HAUS8: variants seen among roughly 807,000 people sequenced by gnomAD.
HAUS8 encodes HAUS augmin-like complex subunit 8.
HAUS8 carries 38 observed loss-of-function variants against 42.9 expected under a neutral mutation model. The ratio of observed to expected loss-of-function variants is 0.89; its 90% confidence interval spans 0.68 to 1.16. HAUS8 has a LOEUF of 1.16. Ranked by LOEUF, HAUS8 falls within the 50% of genes most tolerant of loss-of-function variation. HAUS8 has a pLI of 0.00. For synonymous variants in HAUS8, 199 were observed against 205.8 expected, an observed-to-expected ratio of 0.97 and a Z score of 0.28; for missense variants, 494 against 511.6, an observed-to-expected ratio of 0.97 and a Z score of 0.33.
intron 1 of HAUS8, chr19:17,075,138 G>A (rs1389235247): frequency 8.9e-5 from 49 of 550,494 alleles, no homozygotes; most frequent in Non-Finnish European, 1.6e-5. Flanking sequence ...GGAAAGCGAG[G>A]CACTGGGCGG....
intron 10 of HAUS8, among the ~76,000 whole-genome samples, chr19:17,051,045 A>T (rs1276028677): frequency 6.6e-6 from 1 of 152,110 alleles, no homozygotes; most frequent in East Asian, 1.9e-4. Context: ...AAGCAATGAA[A>T]TGAAATCCTG....
Position 17,049,816 on chromosome 19 carries a change from A to T in HAUS8, c.*57T>A. 2 of 1,223,996 alleles carry T rather than the reference A, an allele frequency of 1.6e-6. No homozygotes were observed. Among genetic ancestry groups the T allele is most frequent in the Non-Finnish European group, 2.1e-6 (2 of 932,912 alleles). 75.8% of individuals were successfully genotyped at this position (1,223,996 alleles called of 1,614,324 possible). On this transcript the variant is annotated 3_prime_UTR_variant, in exon 11 of 11. Coordinates refer to ENST00000253669, the MANE Select transcript of HAUS8 (RefSeq NM_033417.2). ...CAAACAAGATTATCACATAAAAAAT[A>T]GCTACAGTGCTACGGTAGTATATAA... is the stretch of plus-strand genomic sequence containing the variant.
In HAUS8 at chr19:17,062,678, G is replaced by A. The variant is rs1222586633; in HGVS notation, c.229+20C>T. The stretch of plus-strand genomic sequence containing the variant: ...TACTGCCGCGCTCATCACTGCCCGA[G>A]GACCATGGCTGTTTCGCACCTTTGC... On this transcript the variant is annotated intron_variant, in intron 4 of 10. Transcript: ENST00000253669. The A allele has an allele frequency of 2.5e-6, 4 of 1,605,040 alleles. No homozygotes were observed. The highest frequency in any genetic ancestry group is 3.4e-6 in the Non-Finnish European group (4 of 1,171,942).
At chr19:17,063,122 C>T (rs2057370445) in intron 3 of HAUS8, among the ~76,000 whole-genome samples, 1 of 152,170 alleles carries the variant, frequency 6.6e-6, no homozygotes, top group South Asian at 2.1e-4. Flanking sequence ...AGTTTTTACA[C>T]ATATGTTGTC....
chr19:17,071,050 C>CA (rs1293610173), intron 2 of HAUS8, among the ~76,000 whole-genome samples: 2 of 143,484 alleles, frequency 1.4e-5, no homozygotes, highest in Non-Finnish European at 3.0e-5. Context: ...AGCCTGGCGA[C>CA]AGAGTTAGAC....
chr19:17,050,668 G>A (rs1347695102), intron 10 of HAUS8, among the ~76,000 whole-genome samples: 1 of 152,128 alleles, frequency 6.6e-6, no homozygotes, highest in African/African-American at 2.4e-5. Flanking sequence ...GGCTGAGGCG[G>A]GCAGATCGCC....
At chr19:17,050,459 TA>T (rs1336042627) in intron 10 of HAUS8, among the ~76,000 whole-genome samples, 1 of 152,068 alleles carries the variant, frequency 6.6e-6, no homozygotes, top group Non-Finnish European at 1.5e-5. Context: ...AAACTCCCAT[TA>T]AAAATTAATC....
rs758246743 is a variant in HAUS8 at position 17,060,084 on chromosome 19, T to C, written c.238A>G (p.Ser80Gly). Residue 80 changes from serine to glycine, a missense_variant, in exon 5 of 11, where the codon AGT becomes GGT. Coordinates refer to ENST00000253669, the MANE Select transcript of HAUS8 (RefSeq NM_033417.2). ...SLLQKSKADS[S>G]GVGKGDLQST... ...TGCAGGTCACCCTTTCCGACCCCAC[T>C]GCTATCTGCTGTTAAGAAAAGAATC... 4 of 1,608,826 alleles carry C rather than the reference T, an allele frequency of 2.5e-6. No individual in the cohort carries two copies. The highest frequency in any genetic ancestry group is 2.7e-5 in the African/African-American group (2 of 74,756).
At chr19:17,061,459 T>C (rs2057360489) in intron 4 of HAUS8, among the ~76,000 whole-genome samples, 1 of 152,192 alleles carries the variant, frequency 6.6e-6, no homozygotes, top group African/African-American at 2.4e-5. Context: ...TTTTTATTGT[T>C]ATTGCTTTTG....
chr19:17,074,061 G>A lies in HAUS8; in HGVS notation c.30-726C>T, dbSNP rs575630868. The A allele has an allele frequency of 5.3e-5, 8 of 152,268 alleles. No homozygotes were observed. In the East Asian group the frequency reaches 1.3e-3, roughly 26 times the overall value. The allele number at this position is 152,268 out of a possible 1,614,324, so 9.4% of individuals were successfully genotyped here. On this transcript the variant is annotated intron_variant, in intron 1 of 10. Transcript: ENST00000253669. ...AATAGAATGAAGCCTGATGTAATAG[G>A]AAAGAAGGGACCCTGAGATAGGAAT...
At chr19:17,065,510 C>T (rs946375807) in intron 3 of HAUS8, among the ~76,000 whole-genome samples, 3 of 152,096 alleles carry the variant, frequency 2.0e-5, no homozygotes, top group African/African-American at 7.2e-5. Context: ...ATGCTTCAAT[C>T]GTGCCTAAGT....
At chr19:17,073,513 G>C (rs1471141831) in intron 1 of HAUS8, 178 bp from the exon 2 acceptor site, 2 of 645,328 alleles carry the variant, frequency 3.1e-6, no homozygotes, top group Non-Finnish European at 5.6e-6. Context: ...AGCCAGCCCT[G>C]GTCACCTGGG....
chr19:17,058,746 T>G (rs749858387), intron 7 of HAUS8, 39 bp from the exon 8 acceptor site: 1 of 1,604,284 alleles, frequency 6.2e-7, no homozygotes, highest in South Asian at 1.1e-5. Flanking sequence ...AGGTGGGGAC[T>G]CCCTCCCCGT....
chr19:17,071,732 C>T (rs2057425517), intron 2 of HAUS8, among the ~76,000 whole-genome samples: 2 of 152,142 alleles, frequency 1.3e-5, no homozygotes, highest in African/African-American at 4.8e-5. Flanking sequence ...TGCGGTGGCT[C>T]ACACCTGTAA....
chr19:17,058,570 C>T lies in HAUS8; in HGVS notation c.624G>A (p.Leu208=), dbSNP rs751879328. ...TGACCTGGGCATCCAGGACATCTGC[C>T]AGCTCCCGCTTCCTCTGAGAGAGGA... ...RLLLSQRKRE[L]ADVLDAQIEM... Residue 208 remains leucine (L), a synonymous_variant, in exon 8 of 11, where the codon CTG becomes CTA. Coordinates refer to ENST00000253669, the MANE Select transcript of HAUS8 (RefSeq NM_033417.2). The T allele has an allele frequency of 1.2e-6, 2 of 1,603,252 alleles. No individual in the cohort carries two copies. Among genetic ancestry groups the T allele is most frequent in the Non-Finnish European group, 1.7e-6 (2 of 1,176,476 alleles).
intron 8 of HAUS8, among the ~76,000 whole-genome samples, chr19:17,056,548 T>TAC (rs143197170): frequency 1.3e-5 from 2 of 150,792 alleles, no homozygotes; most frequent in Non-Finnish European, 3.0e-5. Context: ...CACACACACA[T>TAC]ACACACACAC....
chr19:17,070,057 G>C (rs1482216217), intron 2 of HAUS8, among the ~76,000 whole-genome samples: 1 of 151,836 alleles, frequency 6.6e-6, no homozygotes, highest in Non-Finnish European at 1.5e-5. Context: ...CCAGATGCTG[G>C]AGGTCATTCT....
chr19:17,075,449 ACCCGCCGGCTTTTCAAAGCCGGACCCG>A, exon 1 of HAUS8: 1 of 1,612,730 alleles, frequency 6.2e-7, no homozygotes, highest in African/African-American at 1.3e-5. Flanking sequence ...TCAAGGCCCG[ACCCGCCGGCTTTTCAAAGCCGGACCCG>A]CCCCCTTGCT....
Position 17,060,044 on chromosome 19 carries a change from T to C in HAUS8, c.278A>G (p.Glu93Gly), listed in dbSNP as rs2057350540. The stretch of plus-strand genomic sequence containing the variant: ...GTCAGGTGGAGCTGTGCCATGCCCT[T>C]CCAGCAACGTGGACTGCAGGTCACC... ...GKGDLQSTLL[E>G]GHGTAPPDLD... Residue 93 changes from glutamate (E) to glycine (G), a missense_variant, in exon 5 of 11, where the codon GAA (glutamate) becomes GGA (glycine). Coordinates refer to ENST00000253669, the MANE Select transcript of HAUS8 (RefSeq NM_033417.2). 1.9e-6 allele frequency: 3 copies of C among 1,613,550 alleles called. No homozygotes were observed. Among genetic ancestry groups the C allele is most frequent in the Admixed American group, 1.7e-5 (1 of 59,970 alleles).
Sources: allele counts gnomAD v4.1 joint callset (sites outside exome capture counted in the v4.1 genomes callset), GRCh38; gene constraint gnomAD v4.1.1; transcripts MANE v1.5; gene names NCBI Gene and HGNC (gene_info 2026-07-23, HGNC 2026-07-21).